The following VWA3B variants were observed in gnomAD, a reference collection of about 807,000 sequenced individuals.
VWA3B encodes von Willebrand factor A domain-containing protein 3B.
A neutral mutation model predicts 158.3 loss-of-function variants in VWA3B; 138 were observed. The observed-to-expected ratio is 0.87, with a 90% confidence interval of 0.76 to 1.00. VWA3B has a LOEUF of 1.00. VWA3B is among the 50% of genes least tolerant of loss of function. The pLI, the probability that VWA3B is intolerant of heterozygous loss-of-function variation, is 0.00. For synonymous variants in VWA3B, 596 were observed against 587.3 expected, an observed-to-expected ratio of 1.01 and a Z score of -0.21; for missense variants, 1,555 against 1,565.1, an observed-to-expected ratio of 0.99 and a Z score of 0.11.
At chr2:98,271,273 G>A (rs1280491878) in intron 22 of VWA3B, among the ~76,000 whole-genome samples, 1 of 152,090 alleles carries the variant, frequency 6.6e-6, no homozygotes, top group African/African-American at 2.4e-5. Flanking sequence ...AGTATTAATA[G>A]TATCCATCTC....
intron 9 of VWA3B, among the ~76,000 whole-genome samples, chr2:98,182,113 C>T (rs1404117462): frequency 5.3e-5 from 8 of 152,320 alleles, no homozygotes; most frequent in Non-Finnish European, 1.0e-4. Context: ...AATGCAAGCC[C>T]AGGGCAGACA....
In VWA3B at chr2:98,192,909, T is replaced by C; in HGVS notation, c.1478T>C (p.Leu493Pro). 1 of 1,614,214 alleles carries C rather than the reference T, an allele frequency of 6.2e-7. No homozygotes were observed. Among genetic ancestry groups the C allele is most frequent in the Non-Finnish European group, 8.5e-7 (1 of 1,180,046 alleles). The stretch of plus-strand genomic sequence containing the variant: ...TACTTCCTGCCTAGGATTAAATGGC[T>C]ACAGGATGGGAGTCAAAGCCTCTTT... ...LARIRRRIKW[L>P]QDGSQSLFGR... Residue 493 changes from leucine (L) to proline (P), a missense_variant, in exon 11 of 28, where the codon CTA (leucine) becomes CCA (proline). Coordinates refer to ENST00000477737, the MANE Select transcript of VWA3B (RefSeq NM_144992.5).
chr2:98,111,205 T>G (rs1355808631), intron 2 of VWA3B, among the ~76,000 whole-genome samples: 1 of 152,220 alleles, frequency 6.6e-6, no homozygotes, highest in Non-Finnish European at 1.5e-5. Flanking sequence ...TTTTTCACTT[T>G]GTTTCTGAGT....
At chr2:98,206,776 G>C in intron 12 of VWA3B, 2 of 350,122 alleles carry the variant, frequency 5.7e-6, no homozygotes, top group Non-Finnish European at 1.1e-5. Flanking sequence ...TGTTGGAGTT[G>C]ACAAGATTGT....
intron 22 of VWA3B, among the ~76,000 whole-genome samples, chr2:98,284,568 TTGAA>T (rs1028226526): frequency 1.3e-5 from 2 of 152,232 alleles, no homozygotes; most frequent in African/African-American, 2.4e-5. Context: ...AAAGTATGCA[TTGAA>T]TATTTTATTT....
chr2:98,169,555 C>A (rs909498723), intron 8 of VWA3B, among the ~76,000 whole-genome samples: 1 of 151,982 alleles, frequency 6.6e-6, no homozygotes, highest in African/African-American at 2.4e-5. Flanking sequence ...TCAAAACTTA[C>A]CAGTGTGTAC....
At chr2:98,302,628 G>T (rs1260459577) in intron 25 of VWA3B, among the ~76,000 whole-genome samples, 1 of 152,172 alleles carries the variant, frequency 6.6e-6, no homozygotes, top group African/African-American at 2.4e-5. Flanking sequence ...ACACCATGAG[G>T]TAGAGACTAT....
intron 2 of VWA3B, among the ~76,000 whole-genome samples, chr2:98,106,380 A>T (rs981795687): frequency 3.3e-5 from 5 of 152,158 alleles, no homozygotes. Context: ...TTTCCAAATA[A>T]ATTTTAGAAT....
At chr2:98,147,178 T>C (rs1266213660) in intron 7 of VWA3B, among the ~76,000 whole-genome samples, 1 of 152,190 alleles carries the variant, frequency 6.6e-6, no homozygotes, top group African/African-American at 2.4e-5. Context: ...ACATCAGATA[T>C]CTCCTGATGT....
intron 22 of VWA3B, among the ~76,000 whole-genome samples, chr2:98,287,172 T>G (rs1198988552): frequency 6.6e-6 from 1 of 152,158 alleles, no homozygotes; most frequent in Non-Finnish European, 1.5e-5. Flanking sequence ...TTTATTAAGC[T>G]AGAACTCTAG....
intron 13 of VWA3B, 127 bp downstream of exon 13, chr2:98,212,155 G>A: frequency 1.4e-6 from 1 of 698,932 alleles, no homozygotes; most frequent in Non-Finnish European, 2.5e-6. Flanking sequence ...TTGGCTTAGG[G>A]ACTCAGATCT....
rs1057093268 is a variant in VWA3B at position 98,215,439 on chromosome 2, TA to T, written c.1837-2396del. ...CCGGGCGACAGAGCGAGACTCCATCTAAAAAAAAAAACAAAAAACAAAAAAC... is the reference window on the plus strand; with the variant it reads ...CCGGGCGACAGAGCGAGACTCCATCTAAAAAAAAAACAAAAAACAAAAAAC... On this transcript the variant is annotated intron_variant, in intron 13 of 27. Coordinates refer to ENST00000477737, the MANE Select transcript of VWA3B (RefSeq NM_144992.5). Among the ~76,000 whole-genome samples, 539 of 137,542 alleles carry T rather than the reference TA, an allele frequency of 3.9e-3. 8 individuals carry two copies. The highest frequency in any genetic ancestry group is 1.5e-3 in the Non-Finnish European group (93 of 63,062). The allele number at this position is 137,542 out of a possible 152,430, so 90.2% of individuals were successfully genotyped here.
At chr2:98,276,667 G>C (rs1688543441) in intron 22 of VWA3B, among the ~76,000 whole-genome samples, 1 of 147,232 alleles carries the variant, frequency 6.8e-6, no homozygotes, top group African/African-American at 2.5e-5. Flanking sequence ...TTTGGAATGG[G>C]CTGCCCATGT....
At chr2:98,229,806 G>A (rs1304239693) in intron 15 of VWA3B, among the ~76,000 whole-genome samples, 1 of 152,202 alleles carries the variant, frequency 6.6e-6, no homozygotes, top group Non-Finnish European at 1.5e-5. Flanking sequence ...TGAGGTCACA[G>A]AGCCAGGAGG....
At chr2:98,160,547 G>A (rs538596860) in intron 7 of VWA3B, among the ~76,000 whole-genome samples, 5 of 152,214 alleles carry the variant, frequency 3.3e-5, no homozygotes, top group African/African-American at 9.6e-5. Flanking sequence ...GGGTTTCCTC[G>A]GAACTTTCTC....
At chr2:98,234,618 C>G (rs374802132) in intron 16 of VWA3B, 30 bp from the exon 17 acceptor site, 1 of 1,613,916 alleles carries the variant, frequency 6.2e-7, no homozygotes, top group Non-Finnish European at 8.5e-7. Context: ...TCCCCAATTC[C>G]TTTAACTCTT....
intron 5 of VWA3B, 94 bp downstream of exon 5, chr2:98,121,552 C>G (rs1257516416): frequency 6.7e-7 from 1 of 1,484,122 alleles, no homozygotes; most frequent in African/African-American, 1.4e-5. Context: ...TTCAACTGAT[C>G]TTGGGCCCCT....
In VWA3B at chr2:98,121,585, C is replaced by A. The variant is rs1674965580; in HGVS notation, c.702+127C>A. 3.1e-6 allele frequency: 4 copies of A among 1,274,214 alleles called. No homozygotes were observed. In the South Asian group the frequency reaches 4.2e-5, roughly 13 times the overall value. The allele number at this position is 1,274,214 out of a possible 1,614,324, so 78.9% of individuals were successfully genotyped here. A position where few individuals can be genotyped will look rare whatever the true frequency, so the allele number is the denominator to read the frequency against. ...CCTCCCAGCAGGATCCGACAGAGAT[C>A]CCATTGGGCACTGATGGTGATGGCA... On this transcript the variant is annotated intron_variant, in intron 5 of 27. Coordinates refer to ENST00000477737, the MANE Select transcript of VWA3B (RefSeq NM_144992.5).
chr2:98,131,019 GCCTACTCCTTCTATCTCACTGTATGAA>G (rs1028142911), intron 6 of VWA3B, among the ~76,000 whole-genome samples: 3 of 152,282 alleles, frequency 2.0e-5, no homozygotes, highest in Admixed American at 6.5e-5. Context: ...GAACATTAGA[GCCTACTCCTTCTATCTCACTGTATGAA>G]CCTACTCCTT....
Sources: allele counts gnomAD v4.1 joint callset (sites outside exome capture counted in the v4.1 genomes callset), GRCh38; gene constraint gnomAD v4.1.1; transcripts MANE v1.5; gene names NCBI Gene and HGNC (gene_info 2026-07-23, HGNC 2026-07-21).